FSIP1: variants seen among roughly 807,000 people sequenced by gnomAD.
FSIP1 encodes the protein fibrous sheath interacting protein 1.
A neutral mutation model predicts 60.9 loss-of-function variants in FSIP1; 65 were observed. That is an observed-to-expected ratio of 1.07 (90% CI 0.87 to 1.31). The LOEUF is 1.31. Ranked by LOEUF, FSIP1 falls within the 40% of genes most tolerant of loss-of-function variation. The probability of loss-of-function intolerance (pLI) is 0.00; values close to 1 mark genes in which losing one functional copy is unlikely to be tolerated. For missense variants in FSIP1, 675 were observed against 665.5 expected (o/e 1.01, Z -0.16); for synonymous variants, 209 against 221.2 (o/e 0.94, Z 0.49).
intron 10 of FSIP1, among the ~76,000 whole-genome samples, chr15:39,634,051 G>C (rs550225667): frequency 6.6e-6 from 1 of 152,108 alleles, no homozygotes; most frequent in African/African-American, 2.4e-5. Context: ...CGGACTCCCT[G>C]TGCTCCTCTT....
intron 10 of FSIP1, among the ~76,000 whole-genome samples, chr15:39,661,313 T>C (rs986208167): frequency 6.6e-6 from 1 of 152,218 alleles, no homozygotes; most frequent in Non-Finnish European, 1.5e-5. Flanking sequence ...GAGATGGCTT[T>C]CTGTATACAA....
intron 11 of FSIP1, among the ~76,000 whole-genome samples, chr15:39,604,920 T>C (rs1890767774): frequency 6.6e-6 from 1 of 152,182 alleles, no homozygotes. Flanking sequence ...AGTAAGACTA[T>C]ACTATAACAA....
At chr15:39,687,647 G>A (rs898728804) in intron 10 of FSIP1, among the ~76,000 whole-genome samples, 1 of 152,164 alleles carries the variant, frequency 6.6e-6, no homozygotes, top group African/African-American at 2.4e-5. Flanking sequence ...CCTCTACCAA[G>A]CTAAAAGTTT....
chr15:39,644,288 G>C (rs956629264), intron 10 of FSIP1, among the ~76,000 whole-genome samples: 2 of 152,180 alleles, frequency 1.3e-5, no homozygotes, highest in African/African-American at 4.8e-5. Context: ...CTGCCCGGCC[G>C]AGTGTGCCAT....
At chr15:39,694,831 GAT>G (rs201447597) in intron 10 of FSIP1, among the ~76,000 whole-genome samples, 2 of 151,106 alleles carry the variant, frequency 1.3e-5, no homozygotes, top group Non-Finnish European at 2.9e-5. Context: ...ATAAAAAAAA[GAT>G]ATATATATAT....
At chr15:39,751,727 TA>T (rs1186380737) in intron 5 of FSIP1, among the ~76,000 whole-genome samples, 3 of 151,954 alleles carry the variant, frequency 2.0e-5, no homozygotes, top group African/African-American at 7.2e-5. Context: ...CTAACAAGTT[TA>T]AAGATCTAAT....
intron 10 of FSIP1, among the ~76,000 whole-genome samples, chr15:39,668,213 A>C (rs1280418116): frequency 1.3e-5 from 2 of 152,054 alleles, no homozygotes; most frequent in Non-Finnish European, 2.9e-5. Flanking sequence ...CAAAAAAAAA[A>C]AAAAAACCTG....
chr15:39,644,598 A>C (rs969176169), intron 10 of FSIP1, among the ~76,000 whole-genome samples: 1 of 152,186 alleles, frequency 6.6e-6, no homozygotes, highest in Non-Finnish European at 1.5e-5. Context: ...ACTTCTGCCA[A>C]AGTAGTTTCA....
At chr15:39,653,012 C>CA (rs746095852) in intron 10 of FSIP1, among the ~76,000 whole-genome samples, 2 of 151,658 alleles carry the variant, frequency 1.3e-5, no homozygotes, top group Non-Finnish European at 2.9e-5. Context: ...TCTGTCTCTA[C>CA]AAAAAATACA....
chr15:39,682,209 A>C (rs1218403534), intron 10 of FSIP1, among the ~76,000 whole-genome samples: 1 of 152,230 alleles, frequency 6.6e-6, no homozygotes, highest in Non-Finnish European at 1.5e-5. Context: ...CTTATGTCTT[A>C]AATATTACTG....
intron 5 of FSIP1, among the ~76,000 whole-genome samples, chr15:39,742,818 T>C (rs1896850269): frequency 6.6e-6 from 1 of 152,236 alleles, no homozygotes; most frequent in Non-Finnish European, 1.5e-5. Flanking sequence ...TTGGAATTCA[T>C]AATAATGAAT....
Position 39,781,372 on chromosome 15 carries a change from C to T in FSIP1, c.-8+1256G>A, listed in dbSNP as rs183031896. On this transcript the variant is annotated intron_variant, in intron 1 of 11. Coordinates refer to ENST00000350221, the MANE Select transcript of FSIP1 (RefSeq NM_152597.5). Reference sequence around the variant, plus strand: ...ACTGTAACACTCATATTGCCAATGACAATGCAAAATCATCACTTTTCAAAA... The same window carrying T: ...ACTGTAACACTCATATTGCCAATGATAATGCAAAATCATCACTTTTCAAAA... 1.8e-3 allele frequency among the ~76,000 whole-genome samples: 272 copies of T among 152,274 alleles called. 1 individual carries two copies. The highest frequency in any genetic ancestry group is 3.0e-3 in the Non-Finnish European group (204 of 68,026).
chr15:39,638,793 C>A (rs1271591740), intron 10 of FSIP1, among the ~76,000 whole-genome samples: 2 of 147,922 alleles, frequency 1.4e-5, no homozygotes, highest in South Asian at 4.2e-4. Context: ...ATTTCATGCA[C>A]ATGTGGGTGC....
chr15:39,612,927 T>C (rs1189765128), intron 11 of FSIP1, among the ~76,000 whole-genome samples: 1 of 151,974 alleles, frequency 6.6e-6, no homozygotes, highest in Non-Finnish European at 1.5e-5. Flanking sequence ...TTATGATACA[T>C]CATAAGATAC....
chr15:39,695,396 T>C (rs1307590094), intron 10 of FSIP1, among the ~76,000 whole-genome samples: 1 of 151,810 alleles, frequency 6.6e-6, no homozygotes, highest in African/African-American at 2.4e-5. Flanking sequence ...CCTATAAAGT[T>C]TTCTTGCCAA....
intron 7 of FSIP1, among the ~76,000 whole-genome samples, chr15:39,739,217 TTGGC>T (rs1896720468): frequency 6.6e-6 from 1 of 152,184 alleles, no homozygotes; most frequent in African/African-American, 2.4e-5. Flanking sequence ...GGACAACCAG[TTGGC>T]TTCTCCAGCC....
downstream of FSIP1, chr15:39,598,709 A>C (rs921580764): frequency 2.0e-5 from 3 of 152,232 alleles, no homozygotes; most frequent in African/African-American, 7.2e-5. Flanking sequence ...TCGAGATGAT[A>C]GCTTTTTTCC....
intron 8 of FSIP1, among the ~76,000 whole-genome samples, 160 bp downstream of exon 8, chr15:39,737,931 G>T (rs1467810395): frequency 1.3e-5 from 2 of 152,008 alleles, no homozygotes; most frequent in Non-Finnish European, 2.9e-5. Context: ...GCGGTATTTT[G>T]TTATCTGTTC....
At chr15:39,776,320 A>T in intron 2 of FSIP1, 79 bp downstream of exon 2, 5 of 1,328,716 alleles carry the variant, frequency 3.8e-6, no homozygotes, top group Non-Finnish European at 5.3e-6. Flanking sequence ...TTAAAATGGG[A>T]TGTTAACAAC....
Sources: gnomAD v4.1 joint callset for allele counts (sites outside exome capture counted in the v4.1 genomes callset) on GRCh38, gnomAD v4.1.1 for gene constraint, MANE v1.5 for transcripts, NCBI Gene and HGNC (gene_info 2026-07-23, HGNC 2026-07-21) for gene names.